PCNX1: variants seen among roughly 807,000 people sequenced by gnomAD.
PCNX1 encodes the protein pecanex 1.
Under a neutral mutation model 242.2 loss-of-function variants are expected in PCNX1, and 78 were observed. The ratio of observed to expected loss-of-function variants is 0.32; its 90% CI spans 0.27 to 0.39. PCNX1 has a LOEUF of 0.39. PCNX1 is among the 10% of genes least tolerant of loss of function. The probability of loss-of-function intolerance (pLI) is 1.00; values close to 1 mark genes in which losing one functional copy is unlikely to be tolerated. For synonymous variants in PCNX1, 1,024 were observed against 1,032.9 expected (o/e 0.99, Z 0.17); for missense variants, 2,581 against 2,856.5 (o/e 0.90, Z 2.20).
chr14:71,023,257 A>T, intron 13 of PCNX1, 25 bp downstream of exon 13: 1 of 1,514,674 alleles, frequency 6.6e-7, no homozygotes, highest in South Asian at 1.1e-5. Context: ...ATATGGCTGT[A>T]CATTATAGGT....
At chr14:70,953,127 A>T (rs12897499) in intron 2 of PCNX1, among the ~76,000 whole-genome samples, 10,566 of 152,124 alleles carry the variant, frequency 0.069, 485 homozygotes, top group East Asian at 0.27. Context: ...ATAAAAAAAA[A>T]TTTTAGCTAG....
intron 1 of PCNX1, among the ~76,000 whole-genome samples, chr14:70,910,066 CTCCTCCTCCTCCTCCTCCTCCT>C (rs2055781671): frequency 1.1e-5 from 1 of 88,530 alleles, no homozygotes; most frequent in Non-Finnish European, 2.3e-5. Flanking sequence ...CCTCCTCCCC[CTCCTCCTCCTCCTCCTCCTCCT>C]CCTCCTCCCC....
In PCNX1 at chr14:70,980,983, G is replaced by C. The variant is rs74060520; in HGVS notation, c.2311+2335G>C. Among the ~76,000 whole-genome samples, 1,314 of 152,192 alleles carry C rather than the reference G, an allele frequency of 8.6e-3. 26 individuals are homozygous for C. Among genetic ancestry groups the C allele is most frequent in the African/African-American group, 0.03 (1,242 of 41,540 alleles). ...TGGTAGTGTAGAGAGATGGAATTTA[G>C]GAAATAGACTTTAAAGTACTAAAAT... On this transcript the variant is annotated intron_variant, in intron 6 of 35. Coordinates refer to ENST00000304743, the MANE Select transcript of PCNX1 (RefSeq NM_014982.3).
intron 8 of PCNX1, 137 bp downstream of exon 8, chr14:70,996,062 A>C: frequency 1.6e-6 from 1 of 620,988 alleles, no homozygotes; most frequent in Non-Finnish European, 2.8e-6. Flanking sequence ...GATTTACCCT[A>C]TGTGTTAGGA....
intron 1 of PCNX1, among the ~76,000 whole-genome samples, chr14:70,913,846 A>C (rs756187028): frequency 3.3e-5 from 5 of 152,236 alleles, no homozygotes; most frequent in Non-Finnish European, 7.3e-5. Context: ...AGCAATTTAT[A>C]TTGCTATTGC....
chr14:71,000,249 G>A lies in PCNX1; in HGVS notation c.2629+4324G>A, dbSNP rs186875980. ...TACTTCGTTTTGGTAAAAGTAGAAT[G>A]TGCTTTTCCCATCCTTACAACAGAA... On this transcript the variant is annotated intron_variant, in intron 8 of 35. Coordinates refer to ENST00000304743, the MANE Select transcript of PCNX1 (RefSeq NM_014982.3). Among the ~76,000 whole-genome samples the A allele has an allele frequency of 2.0e-5, 3 of 152,216 alleles. No individual in the cohort carries two copies. In the East Asian group the frequency reaches 5.8e-4, roughly 29 times the overall value.
intron 1 of PCNX1, among the ~76,000 whole-genome samples, chr14:70,943,728 C>T (rs542808947): frequency 2.6e-5 from 4 of 152,266 alleles, no homozygotes; most frequent in African/African-American, 4.8e-5. Flanking sequence ...GAGGTCTTCA[C>T]GGCAGCCCCT....
At chr14:71,101,439 T>C (rs748906923) in intron 30 of PCNX1, among the ~76,000 whole-genome samples, 5 of 152,188 alleles carry the variant, frequency 3.3e-5, no homozygotes, top group Non-Finnish European at 7.3e-5. Flanking sequence ...CAAGATACTT[T>C]TCAGAGAAAA....
At chr14:70,986,094 C>G (rs986233872) in intron 6 of PCNX1, among the ~76,000 whole-genome samples, 2 of 152,178 alleles carry the variant, frequency 1.3e-5, no homozygotes, top group Non-Finnish European at 2.9e-5. Flanking sequence ...TAGAACTGGA[C>G]CCCTACTCGA....
chr14:71,014,114 C>G (rs1457979320), intron 11 of PCNX1, among the ~76,000 whole-genome samples: 3 of 152,114 alleles, frequency 2.0e-5, no homozygotes, highest in African/African-American at 7.2e-5. Context: ...ATGTCCCTAC[C>G]AGCCAGATTG....
intron 6 of PCNX1, among the ~76,000 whole-genome samples, chr14:70,982,438 GCAGGGA>G (rs1346218943): frequency 6.6e-6 from 1 of 152,170 alleles, no homozygotes; most frequent in African/African-American, 2.4e-5. Flanking sequence ...GTCATTAAAT[GCAGGGA>G]CAGACTATCA....
chr14:70,948,939 GTACATA>G (rs1377903972), intron 2 of PCNX1, among the ~76,000 whole-genome samples: 1 of 141,414 alleles, frequency 7.1e-6, no homozygotes, highest in Non-Finnish European at 1.6e-5. Flanking sequence ...GTACATATAT[GTACATA>G]TACACATACG....
At chr14:71,071,898 C>G (rs1178907825) in intron 26 of PCNX1, among the ~76,000 whole-genome samples, 2 of 152,072 alleles carry the variant, frequency 1.3e-5, no homozygotes, top group African/African-American at 4.8e-5. Flanking sequence ...ATTGCTATGT[C>G]TTAGGGAATG....
At chr14:70,993,165 G>C (rs1278182280) in intron 7 of PCNX1, among the ~76,000 whole-genome samples, 2 of 149,260 alleles carry the variant, frequency 1.3e-5, no homozygotes, top group African/African-American at 4.9e-5. Context: ...CTGTTGCCCA[G>C]GCTGGAGTGC....
intron 5 of PCNX1, among the ~76,000 whole-genome samples, chr14:70,975,458 T>C (rs1365614273): frequency 6.6e-6 from 1 of 152,168 alleles, no homozygotes; most frequent in Non-Finnish European, 1.5e-5. Flanking sequence ...AATTAATTAA[T>C]CATAGCTAAA....
At chr14:71,071,331 A>G (rs2061581420) in intron 26 of PCNX1, among the ~76,000 whole-genome samples, 1 of 152,170 alleles carries the variant, frequency 6.6e-6, no homozygotes, top group Non-Finnish European at 1.5e-5. Context: ...CTTTGCATTC[A>G]CAACTTGGCT....
rs1300705896 is a variant in PCNX1 at position 71,026,129 on chromosome 14, A to G, written c.3196A>G (p.Ile1066Val). Residue 1066 changes from isoleucine to valine, a missense_variant, in exon 14 of 36, where the codon ATC becomes GTC. Around this residue, in one of 9 missense-constraint regions of PCNX1, gnomAD observed 432 missense variants for 443.1 expected, o/e 0.97. Transcript: ENST00000304743. Reference protein sequence around the residue: ...SSSPRHGHNRIIAYSRPVYFC... With the variant: ...SSSPRHGHNRVIAYSRPVYFC... ...ATATCATTTTCAGGGTCATAATCGT[A>G]TCATTGCCTACAGTAGACCAGTTTA... is the stretch of plus-strand genomic sequence containing the variant. 1 of 1,585,612 alleles carries G rather than the reference A, an allele frequency of 6.3e-7. No homozygotes were observed. The highest frequency in any genetic ancestry group is 1.4e-5 in the African/African-American group (1 of 73,858).
At chr14:70,920,330 C>T (rs893021791) in intron 1 of PCNX1, among the ~76,000 whole-genome samples, 1 of 152,146 alleles carries the variant, frequency 6.6e-6, no homozygotes, top group East Asian at 1.9e-4. Flanking sequence ...GTTTCAAGAT[C>T]CTTCAGTCCA....
At chr14:70,994,194 C>G (rs375755575) in intron 7 of PCNX1, among the ~76,000 whole-genome samples, 4 of 151,744 alleles carry the variant, frequency 2.6e-5, no homozygotes, top group Admixed American at 6.6e-5. Context: ...CTGCCCTGTT[C>G]TATATGGTAG....
Sources: allele counts gnomAD v4.1 joint callset (sites outside exome capture counted in the v4.1 genomes callset), GRCh38; gene constraint gnomAD v4.1.1; regional missense constraint gnomAD v4.1.1; transcripts MANE v1.5; gene names NCBI Gene and HGNC (gene_info 2026-07-23, HGNC 2026-07-21).